Variants in EIPR1 observed in about 807,000 individuals in gnomAD.
The protein encoded by EIPR1 is EARP complex and GARP complex interacting protein 1, also known as EARP and GARP complex-interacting protein 1.
Under a neutral mutation model 48.1 loss-of-function variants are expected in EIPR1, and 25 were observed. The ratio of observed to expected loss-of-function variants is 0.52; its 90% CI spans 0.38 to 0.73. The LOEUF (loss-of-function observed/expected upper bound fraction) is 0.73. EIPR1 is among the 30% of genes least tolerant of loss of function. EIPR1 has a pLI of 0.00. For missense variants in EIPR1, 415 were observed against 506.2 expected (o/e 0.82, Z 1.73); for synonymous variants, 204 against 201.9 (o/e 1.01, Z -0.09).
At chr2:3,220,642 G>A (rs1304515147) in intron 4 of EIPR1, among the ~76,000 whole-genome samples, 4 of 150,046 alleles carry the variant, frequency 2.7e-5, no homozygotes, top group South Asian at 4.2e-4. Context: ...GTGCACACAC[G>A]CGATTACCAT....
At chr2:3,209,332 C>T (rs2103127014) in intron 5 of EIPR1, among the ~76,000 whole-genome samples, 1 of 152,286 alleles carries the variant, frequency 6.6e-6, no homozygotes, top group African/African-American at 2.4e-5. Context: ...AAGGGGCAGC[C>T]AAGTAGGACA....
intron 3 of EIPR1, among the ~76,000 whole-genome samples, chr2:3,265,208 A>T (rs547330627): frequency 1.1e-5 from 1 of 91,956 alleles, no homozygotes; most frequent in African/African-American, 4.4e-5. Context: ...TGCAGGCAGG[A>T]GGTGTCTCTG....
chr2:3,319,817 A>AACACCACC (rs2103322915), intron 3 of EIPR1: 1 of 69,288 alleles, frequency 1.4e-5, no homozygotes, highest in African/African-American at 1.1e-4. Context: ...GCAACACCGC[A>AACACCACC]CCTGCAGGCA....
chr2:3,207,838 A>G (rs897751548), intron 5 of EIPR1: 2 of 152,252 alleles, frequency 1.3e-5, no homozygotes, highest in African/African-American at 4.8e-5. Context: ...GTGAGCTCCA[A>G]TATTTACAAA....
intron 3 of EIPR1, among the ~76,000 whole-genome samples, chr2:3,298,660 A>C (rs1020834231): frequency 2.0e-5 from 3 of 151,724 alleles, no homozygotes; most frequent in African/African-American, 4.8e-5. Context: ...GATCTCCTAT[A>C]CCAAGAGCTC....
At chr2:3,219,848 C>T (rs958511260) in intron 4 of EIPR1, among the ~76,000 whole-genome samples, 1 of 152,140 alleles carries the variant, frequency 6.6e-6, no homozygotes, top group African/African-American at 2.4e-5. Flanking sequence ...CACATGATGG[C>T]CCCAGTACAT....
At chr2:3,269,017 A>T (rs746796566) in intron 3 of EIPR1, among the ~76,000 whole-genome samples, 1 of 152,220 alleles carries the variant, frequency 6.6e-6, no homozygotes, top group Non-Finnish European at 1.5e-5. Context: ...CCAGCTGCTG[A>T]GGTGTGGGAG....
intron 2 of EIPR1, among the ~76,000 whole-genome samples, chr2:3,350,961 A>C (rs1199148898): frequency 6.6e-6 from 1 of 151,040 alleles, no homozygotes; most frequent in African/African-American, 2.4e-5. Context: ...AAAAAAAAAA[A>C]ACAAATTAAG....
At chr2:3,354,127 G>T (rs921143407) in intron 2 of EIPR1, among the ~76,000 whole-genome samples, 1 of 152,154 alleles carries the variant, frequency 6.6e-6, no homozygotes, top group Non-Finnish European at 1.5e-5. Flanking sequence ...TGGATCAAGG[G>T]GCAGTGACAG....
At chr2:3,321,847 C>T (rs770573244) in intron 3 of EIPR1, among the ~76,000 whole-genome samples, 10 of 152,192 alleles carry the variant, frequency 6.6e-5, no homozygotes, top group South Asian at 4.1e-4. Flanking sequence ...AGACATCACT[C>T]CCAGTGAACA....
chr2:3,322,119 C>T (rs912523923), intron 3 of EIPR1, among the ~76,000 whole-genome samples: 1 of 152,220 alleles, frequency 6.6e-6, no homozygotes, highest in African/African-American at 2.4e-5. Context: ...TTCTGAAATC[C>T]GCTCTTCCCA....
intron 3 of EIPR1, among the ~76,000 whole-genome samples, chr2:3,311,709 CCTCCAGTCACGAGGTGTGGGCGGCAG>C (rs1211611102): frequency 6.6e-6 from 1 of 151,856 alleles, no homozygotes; most frequent in Non-Finnish European, 1.5e-5. Flanking sequence ...GCGCCAGGGG[CCTCCAGTCACGAGGTGTGGGCGGCAG>C]CTCCAGTCCC....
chr2:3,338,595 C>G (rs1670139428), intron 2 of EIPR1, among the ~76,000 whole-genome samples: 1 of 152,194 alleles, frequency 6.6e-6, no homozygotes, highest in Admixed American at 6.5e-5. Flanking sequence ...CTGACCACGC[C>G]TGGCCCACTC....
intron 1 of EIPR1, among the ~76,000 whole-genome samples, chr2:3,371,873 C>G (rs1425757257): frequency 1.3e-5 from 2 of 152,160 alleles, no homozygotes; most frequent in Non-Finnish European, 2.9e-5. Context: ...AGCTCTGCAC[C>G]AAGCGGACCT....
intron 2 of EIPR1, 58 bp downstream of exon 2, chr2:3,354,492 T>G (rs1482044010): frequency 6.6e-7 from 1 of 1,506,998 alleles, no homozygotes; most frequent in East Asian, 2.3e-5. Context: ...GCAAAATGGT[T>G]ATAAAACTAA....
intron 1 of EIPR1, among the ~76,000 whole-genome samples, chr2:3,369,277 G>C (rs1671048834): frequency 1.3e-5 from 2 of 152,204 alleles, no homozygotes; most frequent in Admixed American, 1.3e-4. Flanking sequence ...ACTAGGAACA[G>C]CTCCGGTCTA....
chr2:3,359,547 T>A (rs1483339812), intron 1 of EIPR1, among the ~76,000 whole-genome samples: 3 of 152,108 alleles, frequency 2.0e-5, no homozygotes, highest in Non-Finnish European at 4.4e-5. Context: ...TAAAAAAAAA[T>A]GGAAGTGGAG....
At chr2:3,324,893 G>A (rs560669958) in intron 3 of EIPR1, among the ~76,000 whole-genome samples, 1 of 152,318 alleles carries the variant, frequency 6.6e-6, no homozygotes, top group Admixed American at 6.5e-5. Flanking sequence ...TGGTTTTAGG[G>A]CCTCACGCCT....
chr2:3,351,002 C>A (rs531351603), intron 2 of EIPR1, among the ~76,000 whole-genome samples: 11 of 117,404 alleles, frequency 9.4e-5, no homozygotes, highest in Admixed American at 9.2e-4. Context: ...TCATTTTGGG[C>A]GATTTTTTTT....
Sources: gnomAD v4.1 joint callset for allele counts (sites outside exome capture counted in the v4.1 genomes callset) on GRCh38, gnomAD v4.1.1 for gene constraint, MANE v1.5 for transcripts, NCBI Gene and HGNC (gene_info 2026-07-23, HGNC 2026-07-21) for gene names.